FBXW7: variants seen among roughly 807,000 people sequenced by gnomAD.
The protein encoded by FBXW7 is F-box/WD repeat-containing protein 7.
Under a neutral mutation model 86.3 loss-of-function variants are expected in FBXW7, and 11 were observed. The observed-to-expected ratio is 0.13, with a 90% CI of 0.08 to 0.21. FBXW7 has a LOEUF of 0.21. FBXW7 is among the 10% of genes least tolerant of loss of function. The probability of loss-of-function intolerance (pLI) is 1.00; values close to 1 mark genes in which losing one functional copy is unlikely to be tolerated. For missense variants in FBXW7, 488 were observed against 847.4 expected (o/e 0.58, Z 5.27); for synonymous variants, 313 against 297.9 (o/e 1.05, Z -0.52).
At chr4:152,408,294 T>C (rs1057377636) in intron 4 of FBXW7, among the ~76,000 whole-genome samples, 2 of 152,180 alleles carry the variant, frequency 1.3e-5, no homozygotes, top group Non-Finnish European at 2.9e-5. Flanking sequence ...CTGCATAAAA[T>C]ATGTCAAAGA....
intron 2 of FBXW7, among the ~76,000 whole-genome samples, chr4:152,478,821 CAT>C (rs1299454771): frequency 6.6e-6 from 1 of 152,032 alleles, no homozygotes; most frequent in Non-Finnish European, 1.5e-5. Flanking sequence ...TGAGACTCTT[CAT>C]ATGTGTTTAT....
chr4:152,421,173 C>A (rs1253088943), intron 2 of FBXW7, among the ~76,000 whole-genome samples: 1 of 152,090 alleles, frequency 6.6e-6, no homozygotes, highest in Non-Finnish European at 1.5e-5. Flanking sequence ...TTTCCTTAAA[C>A]CTCAGGAACC....
At chr4:152,514,591 T>C (rs1205306880) in intron 2 of FBXW7, among the ~76,000 whole-genome samples, 1 of 152,104 alleles carries the variant, frequency 6.6e-6, no homozygotes, top group Non-Finnish European at 1.5e-5. Flanking sequence ...ATAAACAGCT[T>C]GTGCTATCCT....
intron 4 of FBXW7, among the ~76,000 whole-genome samples, chr4:152,379,789 A>G (rs1734890742): frequency 6.6e-6 from 1 of 152,216 alleles, no homozygotes. Context: ...ATGAGCAGCT[A>G]GAATAATTTA....
chr4:152,355,437 A>G (rs989635592), intron 4 of FBXW7, among the ~76,000 whole-genome samples: 2 of 152,176 alleles, frequency 1.3e-5, no homozygotes, highest in Non-Finnish European at 2.9e-5. Context: ...TTCACAGGAA[A>G]GAAGGTCAAC....
At chr4:152,477,647 G>T (rs1347642439) in intron 2 of FBXW7, among the ~76,000 whole-genome samples, 1 of 151,950 alleles carries the variant, frequency 6.6e-6, no homozygotes, top group East Asian at 1.9e-4. Context: ...TAACATTTTT[G>T]CATTTTTAGG....
At chr4:152,503,301 C>CG (rs142923252) in intron 2 of FBXW7, among the ~76,000 whole-genome samples, 6,133 of 151,764 alleles carry the variant, frequency 0.04, 409 homozygotes, top group African/African-American at 0.14. Context: ...GAGACAGTCT[C>CG]GCTCTGTTGC....
intron 2 of FBXW7, among the ~76,000 whole-genome samples, chr4:152,441,275 T>C (rs950638078): frequency 3.9e-5 from 6 of 152,156 alleles, no homozygotes; most frequent in South Asian, 2.1e-4. Flanking sequence ...AGGAAAAATG[T>C]AATCTCCATC....
intron 4 of FBXW7, chr4:152,382,302 C>G (rs1356646362): frequency 1.3e-6 from 2 of 1,596,886 alleles, no homozygotes; most frequent in Admixed American, 1.7e-5. Flanking sequence ...GGAACCAAGC[C>G]ATGGTTTAGA....
At chr4:152,532,340 T>C (rs1301879987) in intron 2 of FBXW7, among the ~76,000 whole-genome samples, 1 of 152,206 alleles carries the variant, frequency 6.6e-6, no homozygotes, top group Non-Finnish European at 1.5e-5. Flanking sequence ...GTTGGTTCCC[T>C]AGAAAAACAA....
intron 4 of FBXW7, among the ~76,000 whole-genome samples, chr4:152,391,418 G>A (rs1422672148): frequency 6.6e-6 from 1 of 151,944 alleles, no homozygotes; most frequent in Non-Finnish European, 1.5e-5. Flanking sequence ...TTTACAGTAA[G>A]TAAAACACTA....
intron 2 of FBXW7, among the ~76,000 whole-genome samples, chr4:152,470,580 AAAAG>A (rs1183150844): frequency 6.6e-6 from 1 of 152,168 alleles, no homozygotes; most frequent in East Asian, 1.9e-4. Flanking sequence ...ATGCATAACA[AAAAG>A]AAATGTATAA....
At chr4:152,433,164 T>A (rs945683657) in intron 2 of FBXW7, among the ~76,000 whole-genome samples, 1 of 152,240 alleles carries the variant, frequency 6.6e-6, no homozygotes, top group Non-Finnish European at 1.5e-5. Context: ...CAGTTTTTGG[T>A]CATTCTGAAT....
chr4:152,506,830 G>C (rs1042716815), intron 2 of FBXW7, among the ~76,000 whole-genome samples: 1 of 152,210 alleles, frequency 6.6e-6, no homozygotes, highest in Admixed American at 6.5e-5. Flanking sequence ...CCAATGTGAG[G>C]CTGATACTAT....
At chr4:152,482,691 G>A (rs1467606253) in intron 2 of FBXW7, among the ~76,000 whole-genome samples, 1 of 152,128 alleles carries the variant, frequency 6.6e-6, no homozygotes, top group Non-Finnish European at 1.5e-5. Flanking sequence ...ACAGAACAGG[G>A]TGGGGGGAGA....
At chr4:152,515,938 G>A (rs1254792305) in intron 2 of FBXW7, among the ~76,000 whole-genome samples, 1 of 152,144 alleles carries the variant, frequency 6.6e-6, no homozygotes, top group African/African-American at 2.4e-5. Context: ...CATGGTGGCG[G>A]GGGTGGGCCT....
At chr4:152,488,869 G>A (rs1579333649) in intron 2 of FBXW7, among the ~76,000 whole-genome samples, 1 of 152,016 alleles carries the variant, frequency 6.6e-6, no homozygotes, top group South Asian at 2.1e-4. Context: ...AGTAAGCAAG[G>A]CAAAGAAAAT....
chr4:152,402,331 C>T (rs1050968591), intron 4 of FBXW7, among the ~76,000 whole-genome samples: 5 of 151,562 alleles, frequency 3.3e-5, no homozygotes, highest in Non-Finnish European at 7.4e-5. Flanking sequence ...TATTATTAGG[C>T]AATAAAATAA....
At chr4:152,528,542 T>G (rs1022856394) in intron 2 of FBXW7, among the ~76,000 whole-genome samples, 1 of 152,186 alleles carries the variant, frequency 6.6e-6, no homozygotes, top group Admixed American at 6.6e-5. Context: ...AAATGTTAAG[T>G]TTGTCATTCC....
Sources: gnomAD v4.1 joint callset for allele counts (sites outside exome capture counted in the v4.1 genomes callset) on GRCh38, gnomAD v4.1.1 for gene constraint, MANE v1.5 for transcripts, NCBI Gene and HGNC (gene_info 2026-07-23, HGNC 2026-07-21) for gene names.